The following PROM1 variants were observed in gnomAD, a reference collection of about 807,000 sequenced individuals.
The protein encoded by PROM1 is prominin-1.
Under a neutral mutation model 116.9 loss-of-function variants are expected in PROM1, and 105 were observed. That is an observed-to-expected ratio of 0.90 (90% confidence interval 0.77 to 1.06). The LOEUF is 1.06. Ranked by LOEUF, PROM1 falls within the 50% of genes least tolerant of loss-of-function variation. The pLI is 0.00. For synonymous variants in PROM1, 393 were observed against 387.0 expected, an observed-to-expected ratio of 1.02 and a Z score of -0.18; for missense variants, 1,122 against 1,045.2, an observed-to-expected ratio of 1.07 and a Z score of -1.01.
chr4:16,032,930 C>T (rs1320863374), intron 5 of PROM1, among the ~76,000 whole-genome samples: 1 of 152,232 alleles, frequency 6.6e-6, no homozygotes, highest in African/African-American at 2.4e-5. Flanking sequence ...AGCAAATCAA[C>T]TTGCAGATCC....
At chr4:15,991,143 C>A (rs1720877458) in intron 18 of PROM1, 79 bp downstream of exon 18, 3 of 1,196,012 alleles carry the variant, frequency 2.5e-6, no homozygotes, top group Non-Finnish European at 3.6e-6. Flanking sequence ...AGGAACCTCT[C>A]CAGCAGCTTC....
At chr4:15,973,957 C>T (rs547187456) in intron 26 of PROM1, among the ~76,000 whole-genome samples, 1 of 152,112 alleles carries the variant, frequency 6.6e-6, no homozygotes, top group South Asian at 2.1e-4. Context: ...CTGCCCGGTT[C>T]CTGGGGCTGC....
chr4:15,997,879 T>C (rs1722717941), intron 15 of PROM1, among the ~76,000 whole-genome samples: 1 of 152,226 alleles, frequency 6.6e-6, no homozygotes, highest in African/African-American at 2.4e-5. Flanking sequence ...GTCAGATTCC[T>C]ATGATCATGA....
intron 14 of PROM1, among the ~76,000 whole-genome samples, chr4:15,998,946 T>C (rs1337599513): frequency 2.0e-5 from 3 of 152,074 alleles, no homozygotes; most frequent in Non-Finnish European, 4.4e-5. Context: ...GCCAGGCTGA[T>C]CTTGAATTCC....
At position 15,989,782 on chromosome 4, in the gene PROM1, T is replaced by C. The variant is rs1226170285; in HGVS notation, c.2026A>G (p.Thr676Ala). ...LRNSLKRDAQTIKTIHQQRVL... is the reference protein window; with the variant it reads ...LRNSLKRDAQAIKTIHQQRVL... ...CGTTGCTGGTGAATTGTTTTAATAG[T>C]TTGTGCATCTCTTTTCAGGGAGTTC... Residue 676 changes from threonine (T) to alanine (A), a missense_variant, in exon 19 of 28, where the codon ACT (threonine) becomes GCT (alanine). Physicochemically the swap from Thr to Ala is moderately conservative, Grantham distance 58. Transcript: ENST00000447510. The C allele has an allele frequency of 1.9e-6, 3 of 1,610,128 alleles. No individual in the cohort carries two copies. The highest frequency in any genetic ancestry group is 1.7e-5 in the Admixed American group (1 of 59,552).
intron 2 of PROM1, among the ~76,000 whole-genome samples, chr4:16,071,558 G>C (rs547983514): frequency 6.6e-6 from 1 of 152,280 alleles, no homozygotes; most frequent in East Asian, 1.9e-4. Flanking sequence ...AGACCTTCAT[G>C]ATGGAATTAG....
At chr4:16,039,823 T>C (rs1320343967) in intron 2 of PROM1, among the ~76,000 whole-genome samples, 1 of 152,138 alleles carries the variant, frequency 6.6e-6, no homozygotes, top group African/African-American at 2.4e-5. Context: ...CTGGAACTTT[T>C]CCATAAATAC....
intron 2 of PROM1, among the ~76,000 whole-genome samples, chr4:16,069,152 T>C (rs916624501): frequency 1.3e-5 from 2 of 152,166 alleles, no homozygotes; most frequent in African/African-American, 4.8e-5. Context: ...GGAGAATCAC[T>C]TGAACCCGGG....
chr4:15,990,502 G>C (rs1158408010), intron 18 of PROM1, among the ~76,000 whole-genome samples: 1 of 152,164 alleles, frequency 6.6e-6, no homozygotes, highest in Non-Finnish European at 1.5e-5. Context: ...ACAGCCCCAG[G>C]TACTATTCCC....
At position 15,980,413 on chromosome 4, in the gene PROM1, C is replaced by T. The variant is rs1405241445; in HGVS notation, c.2489+9G>A. ...TGACCCCCACGTCTGTGGAAGCCCA[C>T]ATACTTACTCATCGTACACGTCCTC... is the stretch of plus-strand genomic sequence containing the variant. On this transcript the variant is annotated intron_variant, in intron 24 of 27. Coordinates refer to ENST00000447510, the MANE Select transcript of PROM1 (RefSeq NM_006017.3). The T allele has an allele frequency of 1.3e-6, 2 of 1,521,586 alleles. No homozygotes were observed. The highest frequency in any genetic ancestry group is 4.0e-5 in the Admixed American group (2 of 50,436). The allele number at this position is 1,521,586 out of a possible 1,614,324, so 94.3% of individuals were successfully genotyped here. A position where few individuals can be genotyped will look rare whatever the true frequency, so the allele number is the denominator to read the frequency against.
chr4:15,996,300 A>C (rs1722313814), intron 15 of PROM1, among the ~76,000 whole-genome samples: 1 of 152,018 alleles, frequency 6.6e-6, no homozygotes, highest in Non-Finnish European at 1.5e-5. Context: ...ACCTGAGGTC[A>C]AGAGTTCGAG....
At chr4:16,070,055 C>T (rs1742458595) in intron 2 of PROM1, among the ~76,000 whole-genome samples, 1 of 152,182 alleles carries the variant, frequency 6.6e-6, no homozygotes. Context: ...GTGTTTAGGT[C>T]ACAGTTTACT....
intron 15 of PROM1, among the ~76,000 whole-genome samples, chr4:15,994,794 A>G (rs1234004845): frequency 1.3e-5 from 2 of 152,210 alleles, no homozygotes; most frequent in Non-Finnish European, 2.9e-5. Context: ...CACAGCAGCC[A>G]GGGCCCTCTA....
intron 2 of PROM1, among the ~76,000 whole-genome samples, chr4:16,059,655 G>A (rs1438821681): frequency 5.3e-5 from 8 of 152,290 alleles, no homozygotes; most frequent in South Asian, 4.1e-4. Context: ...AGTGAGCTAC[G>A]ATTGTGTCAC....
At chr4:16,067,465 G>T (rs967125525) in intron 2 of PROM1, among the ~76,000 whole-genome samples, 7 of 152,198 alleles carry the variant, frequency 4.6e-5, no homozygotes, top group Non-Finnish European at 8.8e-5. Context: ...AGCTCCTGGT[G>T]CTGTTGACTC....
intron 2 of PROM1, among the ~76,000 whole-genome samples, chr4:16,064,400 T>C (rs1418363203): frequency 6.6e-6 from 1 of 152,154 alleles, no homozygotes; most frequent in Admixed American, 6.5e-5. Flanking sequence ...CCAGGAATAA[T>C]TAATCTATAC....
At chr4:15,989,896 G>A in intron 18 of PROM1, 72 bp from the exon 19 acceptor site, 1 of 1,218,232 alleles carries the variant, frequency 8.2e-7, no homozygotes, top group South Asian at 1.3e-5. Flanking sequence ...ATCCTCAGGG[G>A]CCCTGTGTAG....
intron 19 of PROM1, among the ~76,000 whole-genome samples, chr4:15,988,614 G>A (rs1720114228): frequency 6.6e-6 from 1 of 152,180 alleles, no homozygotes; most frequent in African/African-American, 2.4e-5. Context: ...TTAGATCATA[G>A]GTCTCAGGTA....
At chr4:16,003,845 A>G (rs1025089652) in intron 13 of PROM1, among the ~76,000 whole-genome samples, 2 of 152,230 alleles carry the variant, frequency 1.3e-5, no homozygotes, top group Non-Finnish European at 2.9e-5. Context: ...ATCAGAGCAG[A>G]GCCAGGGCTC....
Sources: allele counts gnomAD v4.1 joint callset (sites outside exome capture counted in the v4.1 genomes callset), GRCh38; gene constraint gnomAD v4.1.1; transcripts MANE v1.5; gene names NCBI Gene and HGNC (gene_info 2026-07-23, HGNC 2026-07-21).